SGMS1: variants seen among roughly 807,000 people sequenced by gnomAD.
SGMS1 encodes phosphatidylcholine:ceramide cholinephosphotransferase 1.
In SGMS1, 13 loss-of-function variants were observed where a neutral mutation model predicts 46.2. That is an observed-to-expected ratio of 0.28 (90% confidence interval 0.18 to 0.45). The LOEUF (loss-of-function observed/expected upper bound fraction) is 0.45. Ranked by LOEUF, SGMS1 falls within the 20% of genes least tolerant of loss-of-function variation. The probability of loss-of-function intolerance (pLI) is 1.00; values close to 1 mark genes in which losing one functional copy is unlikely to be tolerated. For missense variants in SGMS1, 324 were observed against 519.9 expected (o/e 0.62, Z 3.66); for synonymous variants, 203 against 187.8 (o/e 1.08, Z -0.66).
chr10:50,399,901 C>T (rs535059136), intron 6 of SGMS1, among the ~76,000 whole-genome samples: 5 of 151,872 alleles, frequency 3.3e-5, no homozygotes, highest in African/African-American at 9.7e-5. Context: ...TGGTGGTGGG[C>T]GCCTGTAGTC....
intron 5 of SGMS1, among the ~76,000 whole-genome samples, chr10:50,439,450 C>T (rs932504983): frequency 1.3e-5 from 2 of 152,162 alleles, no homozygotes; most frequent in African/African-American, 2.4e-5. Context: ...ATAGATCCAA[C>T]GACTTTAAGT....
intron 1 of SGMS1, among the ~76,000 whole-genome samples, chr10:50,613,136 C>T (rs1301234007): frequency 6.6e-6 from 1 of 152,090 alleles, no homozygotes; most frequent in Non-Finnish European, 1.5e-5. Flanking sequence ...GCTTTCAACC[C>T]TAAAACAAAA....
intron 2 of SGMS1, among the ~76,000 whole-genome samples, chr10:50,568,296 C>CA (rs1324182115): frequency 6.6e-6 from 1 of 151,896 alleles, no homozygotes; most frequent in Non-Finnish European, 1.5e-5. Flanking sequence ...AAATAGCCAC[C>CA]AAAAAAAGCT....
At chr10:50,321,790 T>A (rs1847450396) in intron 8 of SGMS1, among the ~76,000 whole-genome samples, 1 of 152,196 alleles carries the variant, frequency 6.6e-6, no homozygotes, top group Non-Finnish European at 1.5e-5. Flanking sequence ...ATACTCTAAC[T>A]GCTACTCAGG....
At chr10:50,508,089 A>G (rs973118470) in intron 3 of SGMS1, among the ~76,000 whole-genome samples, 1 of 152,206 alleles carries the variant, frequency 6.6e-6, no homozygotes, top group Admixed American at 6.5e-5. Flanking sequence ...CAAGCAATGT[A>G]TGGGCTCCCC....
intron 3 of SGMS1, 34 bp downstream of exon 3, chr10:50,519,796 CT>C (rs1335554895): frequency 6.6e-6 from 1 of 152,356 alleles, no homozygotes; most frequent in African/African-American, 2.4e-5. Context: ...ACCATGAGTT[CT>C]TTGAGAATGG....
chr10:50,341,442 G>T, intron 7 of SGMS1: 1 of 455,950 alleles, frequency 2.2e-6, no homozygotes, highest in South Asian at 1.5e-5. Context: ...TCCCTATCCC[G>T]CCAGAGGTGA....
At chr10:50,624,650 G>A (rs1268815631), upstream of SGMS1, 1 of 985,454 alleles carries the variant, frequency 1.0e-6, no homozygotes, top group Non-Finnish European at 1.2e-6. Context: ...CCGGAGAGCG[G>A]CTAGGCCGGG....
intron 6 of SGMS1, among the ~76,000 whole-genome samples, chr10:50,425,287 G>A (rs981218334): frequency 1.3e-5 from 2 of 152,060 alleles, no homozygotes; most frequent in Non-Finnish European, 2.9e-5. Context: ...CAAAAAGACA[G>A]ATGCATTTAT....
At chr10:50,501,461 G>A (rs1837660760) in intron 3 of SGMS1, among the ~76,000 whole-genome samples, 1 of 152,170 alleles carries the variant, frequency 6.6e-6, no homozygotes, top group Admixed American at 6.5e-5. Context: ...AATGCTTGGT[G>A]AAATACGTTT....
At chr10:50,623,030 C>T (rs1357310179) in intron 1 of SGMS1, among the ~76,000 whole-genome samples, 1 of 152,208 alleles carries the variant, frequency 6.6e-6, no homozygotes, top group Non-Finnish European at 1.5e-5. Flanking sequence ...CTAAACGTCC[C>T]CGCCCCGCGG....
At chr10:50,516,665 C>A (rs1837809198) in intron 3 of SGMS1, among the ~76,000 whole-genome samples, 1 of 152,096 alleles carries the variant, frequency 6.6e-6, no homozygotes, top group African/African-American at 2.4e-5. Context: ...GCACTATTTT[C>A]TTTATCCTTA....
intron 1 of SGMS1, among the ~76,000 whole-genome samples, chr10:50,612,098 C>T (rs1208646160): frequency 6.6e-6 from 1 of 152,234 alleles, no homozygotes; most frequent in Non-Finnish European, 1.5e-5. Flanking sequence ...TTGTTCTCTA[C>T]CATCCTGCCC....
chr10:50,519,746 A>G (rs1049964710), intron 3 of SGMS1, 85 bp downstream of exon 3: 1 of 152,376 alleles, frequency 6.6e-6, no homozygotes, highest in Admixed American at 6.5e-5. Flanking sequence ...CTCACATACA[A>G]TCTCAGAACA....
chr10:50,454,543 T>A (rs1837166756), intron 5 of SGMS1, among the ~76,000 whole-genome samples: 1 of 152,164 alleles, frequency 6.6e-6, no homozygotes, highest in Admixed American at 6.5e-5. Flanking sequence ...TGGGTCACAA[T>A]GAGTCTAAGA....
At chr10:50,532,594 A>G (rs1258741150) in intron 2 of SGMS1, among the ~76,000 whole-genome samples, 2 of 152,214 alleles carry the variant, frequency 1.3e-5, no homozygotes, top group African/African-American at 4.8e-5. Context: ...TAAGAATGAC[A>G]GTTTCCAAGA....
chr10:50,382,282 A>G lies in SGMS1; in HGVS notation c.-231-37937T>C, dbSNP rs1042823894. The stretch of plus-strand genomic sequence containing the variant: ...AATCAGTGCCCTTAGAAGCAATCCC[A>G]TACAATTGTAAAGTATCTTCTTGGA... On this transcript the variant is annotated intron_variant, in intron 6 of 10. Transcript: ENST00000361781. 3.1e-4 allele frequency among the ~76,000 whole-genome samples: 47 copies of G among 152,166 alleles called. 1 individual carries two copies. Among genetic ancestry groups the G allele is most frequent in the Admixed American group, 2.6e-3 (40 of 15,266 alleles).
chr10:50,345,016 A>G (rs1847893642), intron 6 of SGMS1, among the ~76,000 whole-genome samples: 1 of 152,138 alleles, frequency 6.6e-6, no homozygotes, highest in African/African-American at 2.4e-5. Flanking sequence ...AGAATAAAAT[A>G]TATTTGCTTA....
chr10:50,334,335 T>A (rs1847677502), intron 7 of SGMS1, among the ~76,000 whole-genome samples: 1 of 152,242 alleles, frequency 6.6e-6, no homozygotes, highest in Non-Finnish European at 1.5e-5. Context: ...TATGTGTGTA[T>A]ACATTAGTGT....
Sources: gnomAD v4.1 joint callset for allele counts (sites outside exome capture counted in the v4.1 genomes callset) on GRCh38, gnomAD v4.1.1 for gene constraint, MANE v1.5 for transcripts, NCBI Gene and HGNC (gene_info 2026-07-23, HGNC 2026-07-21) for gene names.